CATSPERE: variants seen among roughly 807,000 people sequenced by gnomAD.
CATSPERE encodes cation channel sperm-associated auxiliary subunit epsilon.
CATSPERE carries 93 observed loss-of-function variants against 114.1 expected under a neutral mutation model. The ratio of observed to expected loss-of-function variants is 0.81; its 90% CI spans 0.69 to 0.97. The LOEUF (loss-of-function observed/expected upper bound fraction) is 0.97. CATSPERE is among the 50% of genes least tolerant of loss of function. CATSPERE has a pLI of 0.00. For missense variants in CATSPERE, 1,058 were observed against 1,131.6 expected (o/e 0.93, Z 0.93); for synonymous variants, 341 against 384.1 (o/e 0.89, Z 1.31).
chr1:244,582,513 C>A (rs998127815), intron 12 of CATSPERE, among the ~76,000 whole-genome samples: 1 of 151,816 alleles, frequency 6.6e-6, no homozygotes, highest in African/African-American at 2.4e-5. Context: ...AGTGATTCTC[C>A]TGCCTCAGCC....
rs149353174 is a variant in CATSPERE at position 244,590,357 on chromosome 1, T to C, written c.2139-1324T>C. On this transcript the variant is annotated intron_variant, in intron 14 of 21. Transcript: ENST00000366534. ...AATAAAACAGTCCAAAGAAATTTGT[T>C]TTCATTTTGATAGATTTTCTATGAG... 9.8e-3 allele frequency among the ~76,000 whole-genome samples: 1,496 copies of C among 152,354 alleles called. 15 individuals are homozygous for C. Among genetic ancestry groups the C allele is most frequent in the Non-Finnish European group, 0.017 (1,167 of 68,036 alleles).
rs184198331 is a variant in CATSPERE, at chr1:244,495,175, C to T, written c.352-3827C>T. On this transcript the variant is annotated intron_variant, in intron 6 of 21. Coordinates refer to ENST00000366534, the MANE Select transcript of CATSPERE (RefSeq NM_001130957.2). ...ATTTAAGAGCAGGAAAAGGAATTTC[C>T]TGATGGTCAGAAATAATTAAGGAAC... Among the ~76,000 whole-genome samples, 86 of 152,138 alleles carry T rather than the reference C, an allele frequency of 5.7e-4. 1 individual carries two copies. The highest frequency in any genetic ancestry group is 1.9e-3 in the African/African-American group (79 of 41,504).
intron 7 of CATSPERE, among the ~76,000 whole-genome samples, chr1:244,511,019 T>G (rs1675667405): frequency 1.3e-5 from 2 of 151,908 alleles, no homozygotes; most frequent in South Asian, 4.2e-4. Context: ...AATTTTGTAT[T>G]TTTAGTAGAG....
intron 20 of CATSPERE, among the ~76,000 whole-genome samples, chr1:244,628,881 G>A (rs779518702): frequency 5.9e-5 from 9 of 152,114 alleles, no homozygotes; most frequent in Admixed American, 2.0e-4. Flanking sequence ...AGCTATTCAC[G>A]TGCTTATTTG....
At chr1:244,506,186 G>A (rs1674790982) in intron 7 of CATSPERE, among the ~76,000 whole-genome samples, 1 of 152,000 alleles carries the variant, frequency 6.6e-6, no homozygotes, top group South Asian at 2.1e-4. Context: ...ATGTCTTCAA[G>A]GTTCACCCAT....
At chr1:244,532,680 CTT>C (rs936592422) in intron 8 of CATSPERE, among the ~76,000 whole-genome samples, 2 of 146,956 alleles carry the variant, frequency 1.4e-5, no homozygotes, top group African/African-American at 2.7e-5. Context: ...CAAAATTCCT[CTT>C]GTTATTGACT....
chr1:244,620,085 G>A (rs1312664826), intron 20 of CATSPERE, among the ~76,000 whole-genome samples: 9 of 152,188 alleles, frequency 5.9e-5, no homozygotes, highest in Admixed American at 5.9e-4. Context: ...AGGACCTAAA[G>A]TCAGTTTGTA....
chr1:244,518,885 T>C (rs1677066481), intron 8 of CATSPERE, among the ~76,000 whole-genome samples, 187 bp downstream of exon 8: 1 of 151,850 alleles, frequency 6.6e-6, no homozygotes, highest in Non-Finnish European at 1.5e-5. Flanking sequence ...TGGATTAGAG[T>C]TTTACAATTT....
chr1:244,552,433 T>C lies in CATSPERE; in HGVS notation c.648T>C (p.Thr216=), dbSNP rs1244870699. The part of the protein sequence containing the change: ...CFIADFLILL[T]FPLLTIPEIP... The stretch of plus-strand genomic sequence containing the variant: ...TTGCAGATTTTCTTATTCTGTTGAC[T>C]TTTCCTTTGTTGACCATACCTGAAA... Residue 216 remains threonine, a synonymous_variant, in exon 9 of 22, where the codon ACT becomes ACC. Transcript: ENST00000366534. The C allele has an allele frequency of 1.2e-6, 2 of 1,614,176 alleles. No homozygotes were observed. The highest frequency in any genetic ancestry group is 1.1e-5 in the South Asian group (1 of 91,082).
rs145890910 is a variant in CATSPERE, at chr1:244,464,795, C to G, written c.114+839C>G. ...TCGCATATTATGTAGGCTTCTCCTT[C>G]TATTACCTGTTCATACCCTTTGCCT... On this transcript the variant is annotated intron_variant, in intron 2 of 21. Transcript: ENST00000366534. 4.0e-4 allele frequency among the ~76,000 whole-genome samples: 61 copies of G among 152,206 alleles called. No homozygotes were observed. The East Asian group carries it at 0.011, about 26-fold the overall frequency.
chr1:244,559,217 A>G (rs940874179), intron 9 of CATSPERE, among the ~76,000 whole-genome samples: 2 of 152,188 alleles, frequency 1.3e-5, no homozygotes, highest in African/African-American at 2.4e-5. Flanking sequence ...GGTTTCTTCT[A>G]TAGCTCACCA....
intron 20 of CATSPERE, among the ~76,000 whole-genome samples, chr1:244,622,451 T>C (rs1402085768): frequency 6.9e-6 from 1 of 145,646 alleles, no homozygotes; most frequent in African/African-American, 2.5e-5. Flanking sequence ...TCACCCAGGC[T>C]GGAGTGCAGT....
intron 7 of CATSPERE, among the ~76,000 whole-genome samples, chr1:244,512,679 G>A (rs529816379): frequency 6.6e-6 from 1 of 152,198 alleles, no homozygotes; most frequent in East Asian, 1.9e-4. Context: ...ATTGGTATCT[G>A]TGCATCTGGT....
At chr1:244,552,257 T>C in intron 8 of CATSPERE, 65 bp from the exon 9 acceptor site, 4 of 1,507,758 alleles carry the variant, frequency 2.7e-6, no homozygotes, top group Non-Finnish European at 2.7e-6. Flanking sequence ...ATGATAGATA[T>C]CAACTGTACA....
chr1:244,620,789 T>G (rs1671988463), intron 20 of CATSPERE, among the ~76,000 whole-genome samples: 1 of 151,342 alleles, frequency 6.6e-6, no homozygotes, highest in Non-Finnish European at 1.5e-5. Flanking sequence ...CATTAGATCC[T>G]ATTGGAGTTC....
At chr1:244,500,126 C>T (rs147714066) in intron 7 of CATSPERE, among the ~76,000 whole-genome samples, 569 of 152,150 alleles carry the variant, frequency 3.7e-3, no homozygotes, top group African/African-American at 0.013. Context: ...CATATGTTTG[C>T]TGGCTGCATA....
intron 20 of CATSPERE, among the ~76,000 whole-genome samples, chr1:244,629,445 C>T (rs548213217): frequency 4.1e-5 from 6 of 146,892 alleles, no homozygotes; most frequent in African/African-American, 1.3e-4. Flanking sequence ...AGGAACTTGT[C>T]TTTTACTCTC....
At chr1:244,485,032 A>G (rs985713057) in intron 5 of CATSPERE, among the ~76,000 whole-genome samples, 2 of 150,256 alleles carry the variant, frequency 1.3e-5, no homozygotes, top group Non-Finnish European at 3.0e-5. Context: ...TAGGTAATCT[A>G]TATTTTCTCT....
chr1:244,622,500 T>A (rs1672528522), intron 20 of CATSPERE, among the ~76,000 whole-genome samples: 2 of 150,050 alleles, frequency 1.3e-5, no homozygotes, highest in South Asian at 4.2e-4. Flanking sequence ...ACCTCCCGGG[T>A]TCAAGAGATT....
Sources: gnomAD v4.1 joint callset for allele counts (sites outside exome capture counted in the v4.1 genomes callset) on GRCh38, gnomAD v4.1.1 for gene constraint, MANE v1.5 for transcripts, NCBI Gene and HGNC (gene_info 2026-07-23, HGNC 2026-07-21) for gene names.